NLGN1: variants seen among roughly 807,000 people sequenced by gnomAD.
NLGN1 encodes neuroligin 1, also known as neuroligin-1.
In NLGN1, 12 loss-of-function variants were observed where a neutral mutation model predicts 65.5. The ratio of observed to expected loss-of-function variants is 0.18; its 90% confidence interval spans 0.12 to 0.30. The LOEUF (loss-of-function observed/expected upper bound fraction) is 0.30, where lower values mean the gene tolerates loss of function less well. NLGN1 is among the 10% of genes least tolerant of loss of function. NLGN1 has a pLI of 1.00. For synonymous variants in NLGN1, 350 were observed against 359.5 expected (o/e 0.97, Z 0.30); for missense variants, 750 against 1,007.1 (o/e 0.74, Z 3.46).
intron 2 of NLGN1, among the ~76,000 whole-genome samples, chr3:173,527,322 T>C (rs1166614863): frequency 6.6e-6 from 1 of 152,218 alleles, no homozygotes; most frequent in Admixed American, 6.5e-5. Context: ...TGATATTGAG[T>C]ACCTTTAAAT....
intron 3 of NLGN1, among the ~76,000 whole-genome samples, chr3:173,662,163 G>A (rs1043825515): frequency 1.3e-5 from 2 of 151,914 alleles, no homozygotes; most frequent in African/African-American, 4.8e-5. Flanking sequence ...CAGCTCACAA[G>A]CATTGATGAC....
At chr3:173,679,889 A>G (rs1174102025) in intron 3 of NLGN1, among the ~76,000 whole-genome samples, 1 of 152,144 alleles carries the variant, frequency 6.6e-6, no homozygotes, top group Non-Finnish European at 1.5e-5. Flanking sequence ...GTCCTACAGA[A>G]TATGGCATGT....
intron 4 of NLGN1, among the ~76,000 whole-genome samples, chr3:173,950,680 G>C (rs1748025537): frequency 1.3e-5 from 2 of 151,498 alleles, no homozygotes; most frequent in Non-Finnish European, 2.9e-5. Flanking sequence ...GGGTGTGGTG[G>C]TGCACACCTA....
At chr3:173,914,944 T>C (rs1164650546) in intron 4 of NLGN1, 3 of 152,222 alleles carry the variant, frequency 2.0e-5, no homozygotes, top group Non-Finnish European at 4.4e-5. Flanking sequence ...GAGCACAAGA[T>C]TTTATTTTCA....
chr3:174,162,807 G>A (rs189678253), intron 4 of NLGN1, among the ~76,000 whole-genome samples: 1 of 150,860 alleles, frequency 6.6e-6, no homozygotes, highest in African/African-American at 2.4e-5. Flanking sequence ...ATTCAAGGAA[G>A]AGTCATCTGA....
chr3:174,094,347 G>A (rs1051657101), intron 4 of NLGN1, among the ~76,000 whole-genome samples: 18 of 152,010 alleles, frequency 1.2e-4, no homozygotes, highest in Admixed American at 1.2e-3. Context: ...ATAGAGACTT[G>A]TAGCTATAGA....
intron 4 of NLGN1, among the ~76,000 whole-genome samples, chr3:174,257,983 T>A (rs1396218178): frequency 6.6e-6 from 1 of 151,454 alleles, no homozygotes; most frequent in Non-Finnish European, 1.5e-5. Flanking sequence ...TTCATTAAAT[T>A]TTTTGTAAAT....
chr3:173,956,552 G>T (rs1197017593), intron 4 of NLGN1, among the ~76,000 whole-genome samples: 1 of 152,118 alleles, frequency 6.6e-6, no homozygotes, highest in African/African-American at 2.4e-5. Flanking sequence ...CTGACATGAT[G>T]TGGTAACCAT....
intron 3 of NLGN1, among the ~76,000 whole-genome samples, chr3:173,732,704 C>A (rs1043030912): frequency 6.6e-6 from 1 of 152,136 alleles, no homozygotes; most frequent in Admixed American, 6.6e-5. Flanking sequence ...GACACATTCT[C>A]AAAGAATTAA....
At chr3:174,086,028 A>G (rs1743160999) in intron 4 of NLGN1, among the ~76,000 whole-genome samples, 1 of 151,934 alleles carries the variant, frequency 6.6e-6, no homozygotes, top group Non-Finnish European at 1.5e-5. Context: ...ATTAATATTT[A>G]TGCATAATTT....
chr3:174,203,896 G>A (rs1385541434), intron 4 of NLGN1, among the ~76,000 whole-genome samples: 1 of 151,988 alleles, frequency 6.6e-6, no homozygotes, highest in Non-Finnish European at 1.5e-5. Flanking sequence ...AATTTCCTGG[G>A]TAGATATTAT....
chr3:174,192,453 C>T (rs1056857815), intron 4 of NLGN1, among the ~76,000 whole-genome samples: 3 of 152,090 alleles, frequency 2.0e-5, no homozygotes, highest in Non-Finnish European at 4.4e-5. Context: ...AGATTCTATG[C>T]AGATGTTATT....
intron 3 of NLGN1, among the ~76,000 whole-genome samples, chr3:173,673,926 A>G (rs576357412): frequency 6.6e-6 from 1 of 152,256 alleles, no homozygotes; most frequent in Admixed American, 6.5e-5. Flanking sequence ...TGGGGGAGTT[A>G]AATACCCTTA....
intron 2 of NLGN1, among the ~76,000 whole-genome samples, chr3:173,496,032 T>C (rs1302514479): frequency 1.3e-5 from 2 of 151,792 alleles, no homozygotes; most frequent in Admixed American, 1.3e-4. Flanking sequence ...AATTTCTCTA[T>C]CTATGCTTGT....
chr3:174,169,593 A>G (rs1728149023), intron 4 of NLGN1, among the ~76,000 whole-genome samples: 1 of 151,958 alleles, frequency 6.6e-6, no homozygotes, highest in African/African-American at 2.4e-5. Flanking sequence ...GGCTGCTGGT[A>G]CAGGCAAGCA....
intron 4 of NLGN1, among the ~76,000 whole-genome samples, chr3:173,906,878 C>CA (rs1224471514): frequency 0.018 from 1,590 of 88,250 alleles, 12 homozygotes; most frequent in Admixed American, 0.084. Flanking sequence ...CAAACAAAAA[C>CA]AAAAAAAAAA....
At chr3:173,870,837 A>C (rs1376380519) in intron 4 of NLGN1, among the ~76,000 whole-genome samples, 2 of 152,192 alleles carry the variant, frequency 1.3e-5, no homozygotes, top group Non-Finnish European at 2.9e-5. Flanking sequence ...GTCCTGGTGC[A>C]CTTAGCATCT....
chr3:173,491,438 A>T (rs563474466), intron 2 of NLGN1, among the ~76,000 whole-genome samples: 44 of 151,900 alleles, frequency 2.9e-4, no homozygotes, highest in Non-Finnish European at 4.7e-4. Flanking sequence ...CATCTGAGGG[A>T]TGAAGCCCAC....
At chr3:173,628,132 C>T (rs913769956) in intron 3 of NLGN1, among the ~76,000 whole-genome samples, 19 of 152,130 alleles carry the variant, frequency 1.2e-4, no homozygotes, top group African/African-American at 4.3e-4. Context: ...GCAAGCTTTT[C>T]GGAGCCCTGT....
Sources: gnomAD v4.1 joint callset for allele counts (sites outside exome capture counted in the v4.1 genomes callset) on GRCh38, gnomAD v4.1.1 for gene constraint, MANE v1.5 for transcripts, NCBI Gene and HGNC (gene_info 2026-07-23, HGNC 2026-07-21) for gene names.